CLHC1: variants seen among roughly 807,000 people sequenced by gnomAD.
The protein encoded by CLHC1 is clathrin heavy chain linker domain-containing protein 1.
CLHC1 carries 72 observed loss-of-function variants against 69.5 expected under a neutral mutation model. The observed-to-expected ratio is 1.04, with a 90% CI of 0.86 to 1.26. CLHC1 has a LOEUF of 1.26. CLHC1 is among the 50% of genes most tolerant of loss of function. The pLI, the probability that CLHC1 is intolerant of heterozygous loss-of-function variation, is 0.00. For synonymous variants in CLHC1, 223 were observed against 224.3 expected, an observed-to-expected ratio of 0.99 and a Z score of 0.05; for missense variants, 790 against 679.3, an observed-to-expected ratio of 1.16 and a Z score of -1.81.
chr2:55,208,944 C>T (rs1414059116), intron 7 of CLHC1, among the ~76,000 whole-genome samples: 1 of 149,064 alleles, frequency 6.7e-6, no homozygotes, highest in African/African-American at 2.5e-5. Context: ...TATCTTGGCT[C>T]ACTGCAAGCT....
At chr2:55,221,861 C>T (rs1047089365) in intron 3 of CLHC1, among the ~76,000 whole-genome samples, 2 of 152,076 alleles carry the variant, frequency 1.3e-5, no homozygotes, top group African/African-American at 2.4e-5. Context: ...TCTGTAGTCC[C>T]AGCTATACAG....
rs569719621 is a variant in CLHC1 at position 55,223,421 on chromosome 2, G to C, written c.-82-928C>G. ...CTTTCAGTAAAGAATCATGGGCGGC[G>C]GCGGCCTGGCGGGGGCGAGCGCGCT... On this transcript the variant is annotated intron_variant, in intron 2 of 12. Coordinates refer to ENST00000401408, the MANE Select transcript of CLHC1 (RefSeq NM_152385.4). 4.7e-3 allele frequency among the ~76,000 whole-genome samples: 723 copies of C among 152,244 alleles called. 3 individuals carry two copies. The highest frequency in any genetic ancestry group is 8.3e-3 in the Non-Finnish European group (562 of 67,996).
At chr2:55,214,096 T>C (rs964973989) in intron 4 of CLHC1, among the ~76,000 whole-genome samples, 3 of 152,088 alleles carry the variant, frequency 2.0e-5, no homozygotes, top group African/African-American at 7.2e-5. Context: ...GGTGCAGAGA[T>C]GAATGTGGAA....
rs1292200844 is a variant in CLHC1, at chr2:55,184,904, CA to C, written c.1007-3161del. On this transcript the variant is annotated intron_variant, in intron 9 of 12. Transcript: ENST00000401408. Reference sequence around the variant, plus strand: ...TGGGTGACAGACTGAGACTCCATCTCAAAAAAAAAAACAAAACACACACACA... The same window carrying C: ...TGGGTGACAGACTGAGACTCCATCTCAAAAAAAAAACAAAACACACACACA... Among the ~76,000 whole-genome samples the C allele has an allele frequency of 5.1e-3, 551 of 108,356 alleles. 3 individuals carry two copies. The highest frequency in any genetic ancestry group is 0.041 in the Middle Eastern group (9 of 220). 71.1% of individuals were successfully genotyped at this position (108,356 alleles called of 152,430 possible).
intron 3 of CLHC1, among the ~76,000 whole-genome samples, chr2:55,221,831 G>A (rs561786944): frequency 3.2e-4 from 48 of 152,224 alleles, no homozygotes; most frequent in Non-Finnish European, 5.6e-4. Context: ...TTAAAAATTA[G>A]TCAGGAGTGG....
In CLHC1 at chr2:55,193,754, G is replaced by A. The variant is rs190051800; in HGVS notation, c.1007-12010C>T. On this transcript the variant is annotated intron_variant, in intron 9 of 12. Coordinates refer to ENST00000401408, the MANE Select transcript of CLHC1 (RefSeq NM_152385.4). ...ACAGAGCTACCATATAATTTAGCTT[G>A]GCAATTTCACTCCTAAGTCTCTACC... Among the ~76,000 whole-genome samples, 3 of 152,188 alleles carry A rather than the reference G, an allele frequency of 2.0e-5. No individual in the cohort carries two copies. In the East Asian group the frequency reaches 5.8e-4, roughly 29 times the overall value.
Position 55,181,608 on chromosome 2 carries a change from T to C in CLHC1, c.1143A>G (p.Lys381=), listed in dbSNP as rs1438293796. 4 of 1,612,612 alleles carry C rather than the reference T, an allele frequency of 2.5e-6. No homozygotes were observed. The highest frequency in any genetic ancestry group is 2.2e-5 in the South Asian group (2 of 90,630). ...CCCAATTGGTAACTAAATCTAACCG[T>C]TTTTCTGATAATCCACATTTGATTC... ...LEGIKCGLSE[K]RLDLVTNWVT... The change falls in exon 10 of 13, where the codon AAA becomes AAG. Residue 381 remains lysine, a synonymous_variant. Transcript: ENST00000401408.
At chr2:55,207,618 G>A (rs140243855) in intron 8 of CLHC1, among the ~76,000 whole-genome samples, 10 of 152,130 alleles carry the variant, frequency 6.6e-5, no homozygotes, top group Admixed American at 4.6e-4. Context: ...ACAGATAAGC[G>A]TCATAGCCTA....
At chr2:55,187,279 C>CAAATAAAATAAAATAAAATAAAATA (rs58159859) in intron 9 of CLHC1, among the ~76,000 whole-genome samples, 44 of 127,380 alleles carry the variant, frequency 3.5e-4, no homozygotes, top group African/African-American at 1.3e-3. Flanking sequence ...AACTCCATCT[C>CAAATAAAATAAAATAAAATAAAATA]AAATAAAATA....
chr2:55,195,473 C>T (rs1431057644), intron 9 of CLHC1, among the ~76,000 whole-genome samples: 6 of 152,158 alleles, frequency 3.9e-5, no homozygotes, highest in Non-Finnish European at 8.8e-5. Flanking sequence ...ATAGAAGCCT[C>T]CAGTGATTGT....
chr2:55,179,978 C>T (rs1369827195), intron 11 of CLHC1, among the ~76,000 whole-genome samples: 1 of 151,934 alleles, frequency 6.6e-6, no homozygotes, highest in East Asian at 1.9e-4. Flanking sequence ...CACGGTGAAA[C>T]CCTGTCTCTA....
chr2:55,216,640 C>T (rs192003099), intron 4 of CLHC1, among the ~76,000 whole-genome samples: 4 of 151,996 alleles, frequency 2.6e-5, no homozygotes, highest in East Asian at 3.9e-4. Context: ...CTCAACCAAT[C>T]CTTCCACCTC....
chr2:55,181,511 G>GAACAAACA (rs1669929005), intron 10 of CLHC1, 59 bp downstream of exon 10: 1 of 1,298,256 alleles, frequency 7.7e-7, no homozygotes, highest in Admixed American at 2.2e-5. Context: ...AATATTTTTA[G>GAACAAACA]AACAAACAAC....
intron 9 of CLHC1, among the ~76,000 whole-genome samples, chr2:55,196,581 A>G (rs1159194680): frequency 6.6e-6 from 1 of 152,190 alleles, no homozygotes; most frequent in East Asian, 1.9e-4. Context: ...ATTTCTAGAC[A>G]CACACTTGTC....
intron 2 of CLHC1, among the ~76,000 whole-genome samples, chr2:55,223,555 C>T (rs1674380111): frequency 6.6e-6 from 1 of 152,102 alleles, no homozygotes; most frequent in Admixed American, 6.5e-5. Context: ...CGACCGCTCT[C>T]GGCTTTGGGG....
chr2:55,208,842 A>T, intron 7 of CLHC1, 132 bp from the exon 8 acceptor site: 2 of 460,832 alleles, frequency 4.3e-6, no homozygotes, highest in South Asian at 3.4e-5. Flanking sequence ...TCCTAAACTT[A>T]GTGGCCTCCC....
At chr2:55,185,664 A>C (rs1670351093) in intron 9 of CLHC1, among the ~76,000 whole-genome samples, 1 of 152,220 alleles carries the variant, frequency 6.6e-6, no homozygotes, top group Non-Finnish European at 1.5e-5. Context: ...TAAACAAATG[A>C]ATGAGCTGGC....
chr2:55,204,723 G>A (rs774535130), intron 9 of CLHC1, among the ~76,000 whole-genome samples: 7 of 152,130 alleles, frequency 4.6e-5, no homozygotes, highest in Non-Finnish European at 7.4e-5. Flanking sequence ...AATGTGGTAC[G>A]TATAGGCAAT....
intron 10 of CLHC1, among the ~76,000 whole-genome samples, chr2:55,180,980 G>A (rs1251532282): frequency 6.6e-5 from 10 of 151,910 alleles, no homozygotes; most frequent in Non-Finnish European, 1.5e-4. Flanking sequence ...GAAACTAAAT[G>A]CATATATATA....
Sources: allele counts gnomAD v4.1 joint callset (sites outside exome capture counted in the v4.1 genomes callset), GRCh38; gene constraint gnomAD v4.1.1; transcripts MANE v1.5; gene names NCBI Gene and HGNC (gene_info 2026-07-23, HGNC 2026-07-21).